ATG16L1: variants seen among roughly 807,000 people sequenced by gnomAD.
ATG16L1 encodes autophagy-related protein 16-1.
In ATG16L1, 37 loss-of-function variants were observed where a neutral mutation model predicts 88.5. The observed-to-expected ratio is 0.42, with a 90% CI of 0.32 to 0.55. ATG16L1 has a LOEUF of 0.55. Ranked by LOEUF, ATG16L1 falls within the 20% of genes least tolerant of loss-of-function variation. The probability of loss-of-function intolerance (pLI) is 0.13; values close to 1 mark genes in which losing one functional copy is unlikely to be tolerated. For missense variants in ATG16L1, 554 were observed against 752.8 expected (o/e 0.74, Z 3.09); for synonymous variants, 301 against 281.0 (o/e 1.07, Z -0.71).
At chr2:233,275,023 A>G (rs575441965) in intron 9 of ATG16L1, among the ~76,000 whole-genome samples, 1 of 152,318 alleles carries the variant, frequency 6.6e-6, no homozygotes, top group African/African-American at 2.4e-5. Context: ...AGCATGAGGG[A>G]TGGGGCAAAG....
At chr2:233,270,135 A>AT (rs529290962) in intron 6 of ATG16L1, 68 bp downstream of exon 6, 115,720 of 1,130,706 alleles carry the variant, frequency 0.1, 787 homozygotes, top group Admixed American at 0.12. Context: ...TTTTGTTTTT[A>AT]TTTTTTTTTT....
At chr2:233,286,447 A>G (rs1171524849) in intron 12 of ATG16L1, among the ~76,000 whole-genome samples, 2 of 152,064 alleles carry the variant, frequency 1.3e-5, no homozygotes, top group Admixed American at 1.3e-4. Flanking sequence ...AGAAACACCT[A>G]ACAGATAGAA....
At chr2:233,285,881 C>G (rs561407569) in intron 12 of ATG16L1, among the ~76,000 whole-genome samples, 1 of 152,330 alleles carries the variant, frequency 6.6e-6, no homozygotes, top group Non-Finnish European at 1.5e-5. Context: ...AAACAAGAAG[C>G]AGCTGGTTGA....
intron 6 of ATG16L1, among the ~76,000 whole-genome samples, chr2:233,271,641 T>C (rs1697998626): frequency 6.6e-6 from 1 of 152,246 alleles, no homozygotes; most frequent in Non-Finnish European, 1.5e-5. Context: ...CATACATCTT[T>C]GAAAGGTTTT....
At chr2:233,274,024 T>G (rs1023688049) in intron 8 of ATG16L1, 24 of 1,550,760 alleles carry the variant, frequency 1.5e-5, no homozygotes, top group East Asian at 4.9e-5. Flanking sequence ...GACATCATTC[T>G]TCTTCTGATG....
At chr2:233,272,910 C>G (rs2289476) in intron 6 of ATG16L1, 56 bp from the exon 7 acceptor site, 1 of 1,478,738 alleles carries the variant, frequency 6.8e-7, no homozygotes. Context: ...TTTGCGGAAC[C>G]GATTAATCAC....
rs377612825 is a variant in ATG16L1, at chr2:233,294,356, C to T, written c.*6C>T. The T allele has an allele frequency of 6.2e-7, 1 of 1,612,304 alleles. No homozygotes were observed. The highest frequency in any genetic ancestry group is 8.5e-7 in the Non-Finnish European group (1 of 1,179,004). On this transcript the variant is annotated 3_prime_UTR_variant, in exon 18 of 18. Transcript: ENST00000392017. ...TGCTGTGGGCACAGTACTGACGGGG[C>T]TCTCAGGGCTGGGAGGACCCCAGTG...
At chr2:233,264,795 T>TA in intron 4 of ATG16L1, 97 bp from the exon 5 acceptor site, 1 of 1,498,318 alleles carries the variant, frequency 6.7e-7, no homozygotes, top group Admixed American at 1.8e-5. Context: ...AAAGATGTTG[T>TA]AACAGACACA....
intron 12 of ATG16L1, among the ~76,000 whole-genome samples, chr2:233,286,378 C>A (rs530316775): frequency 2.0e-5 from 3 of 152,222 alleles, no homozygotes; most frequent in African/African-American, 7.2e-5. Flanking sequence ...TATTGTTAAT[C>A]CCTGTTTAAA....
At chr2:233,282,497 A>C (rs1335505612) in intron 11 of ATG16L1, among the ~76,000 whole-genome samples, 185 bp from the exon 12 acceptor site, 1 of 152,004 alleles carries the variant, frequency 6.6e-6, no homozygotes, top group Non-Finnish European at 1.5e-5. Flanking sequence ...AGAAAAAAAA[A>C]GGTCTGAACT....
intron 8 of ATG16L1, chr2:233,274,071 A>T: frequency 6.5e-7 from 1 of 1,541,512 alleles, no homozygotes; most frequent in East Asian, 2.4e-5. Flanking sequence ...TTAGTCCAGC[A>T]TGTGAGTGTG....
rs1423857393 is a variant in ATG16L1, at chr2:233,295,304, C to CA, written c.*955dup. 2 of 152,802 alleles carry CA rather than the reference C, an allele frequency of 1.3e-5. No individual in the cohort carries two copies. The highest frequency in any genetic ancestry group is 2.9e-5 in the Non-Finnish European group (2 of 68,034). The allele number at this position is 152,802 out of a possible 1,614,324, so 9.5% of individuals were successfully genotyped here. The stretch of plus-strand genomic sequence containing the variant: ...GGTTGTGATGAAGGCCAAGGAAAAA[C>CA]ATTTATCTTTACTATTTTACCTACG... On this transcript the variant is annotated 3_prime_UTR_variant, in exon 18 of 18. Transcript: ENST00000392017.
At chr2:233,268,104 G>A (rs1033059491) in intron 5 of ATG16L1, among the ~76,000 whole-genome samples, 1 of 152,152 alleles carries the variant, frequency 6.6e-6, no homozygotes, top group African/African-American at 2.4e-5. Flanking sequence ...TTCACACTCT[G>A]CCTCCTTCCC....
intron 11 of ATG16L1, 107 bp from the exon 12 acceptor site, chr2:233,282,575 G>A: frequency 1.0e-6 from 1 of 967,002 alleles, no homozygotes; most frequent in Non-Finnish European, 1.7e-6. Flanking sequence ...TGTATAGGGT[G>A]AAGCATCTAA....
chr2:233,276,613 T>C (rs947503696), intron 9 of ATG16L1, among the ~76,000 whole-genome samples: 1 of 152,116 alleles, frequency 6.6e-6, no homozygotes, highest in African/African-American at 2.4e-5. Context: ...GCTGGAACAA[T>C]AGGTATGCGC....
intron 4 of ATG16L1, among the ~76,000 whole-genome samples, chr2:233,264,398 G>T (rs780195870): frequency 6.6e-6 from 1 of 152,158 alleles, no homozygotes; most frequent in Non-Finnish European, 1.5e-5. Context: ...ATAGCTGAGC[G>T]CATGGCCCTT....
At chr2:233,263,054 T>G in intron 2 of ATG16L1, 76 bp from the exon 3 acceptor site, 4 of 1,251,350 alleles carry the variant, frequency 3.2e-6, no homozygotes, top group South Asian at 1.3e-5. Context: ...ATTGCCTAAT[T>G]GGAAAGGTTT....
Position 233,277,638 on chromosome 2 carries a change from T to C in ATG16L1, c.1025T>C (p.Met342Thr). The C allele has an allele frequency of 6.2e-7, 1 of 1,614,080 alleles. No homozygotes were observed. The highest frequency in any genetic ancestry group is 2.2e-5 in the East Asian group (1 of 44,878). The change falls in exon 10 of 18, where the codon ATG (methionine) becomes ACG (threonine). Residue 342 changes from methionine (M) to threonine (T), a missense_variant. Coordinates refer to ENST00000392017, the MANE Select transcript of ATG16L1 (RefSeq NM_030803.7). ...TCCCGGTTACTGGCCACTGGAGGCA[T>C]GGACCGCAGGGTTAAGCTTTGGGAA... ...PGSRLLATGG[M>T]DRRVKLWEVF...
chr2:233,265,261 A>G (rs980335256), intron 5 of ATG16L1, 118 bp downstream of exon 5: 43 of 1,320,954 alleles, frequency 3.3e-5, no homozygotes, highest in Non-Finnish European at 4.2e-5. Flanking sequence ...GAATTCTTTC[A>G]GTGTTTCAAG....
Sources: gnomAD v4.1 joint callset for allele counts (sites outside exome capture counted in the v4.1 genomes callset) on GRCh38, gnomAD v4.1.1 for gene constraint, MANE v1.5 for transcripts, NCBI Gene and HGNC (gene_info 2026-07-23, HGNC 2026-07-21) for gene names.